Variants in NR3C2 observed in about 807,000 individuals in gnomAD.
NR3C2 encodes nuclear receptor subfamily 3 group C member 2, also known as mineralocorticoid receptor.
A neutral mutation model predicts 86.4 loss-of-function variants in NR3C2; 15 were observed. The ratio of observed to expected loss-of-function variants is 0.17; its 90% CI spans 0.12 to 0.27. The LOEUF (loss-of-function observed/expected upper bound fraction) is 0.27. Among genes scored for constraint, NR3C2 ranks in the 10% least tolerant of loss-of-function variants. NR3C2 has a pLI of 1.00. For synonymous variants in NR3C2, 458 were observed against 450.5 expected, an observed-to-expected ratio of 1.02 and a Z score of -0.21; for missense variants, 960 against 1,195.6, an observed-to-expected ratio of 0.80 and a Z score of 2.91.
At chr4:148,323,687 C>A (rs1743779559) in intron 2 of NR3C2, among the ~76,000 whole-genome samples, 1 of 152,150 alleles carries the variant, frequency 6.6e-6, no homozygotes, top group South Asian at 2.1e-4. Flanking sequence ...AAAGGGAACT[C>A]CCTGACCCCT....
intron 2 of NR3C2, among the ~76,000 whole-genome samples, chr4:148,319,044 G>A (rs1262139594): frequency 6.6e-6 from 1 of 151,712 alleles, no homozygotes; most frequent in Non-Finnish European, 1.5e-5. Flanking sequence ...ATCTTGAATT[G>A]ATTTTTGTAT....
At chr4:148,411,585 C>G (rs1267558674) in intron 2 of NR3C2, among the ~76,000 whole-genome samples, 1 of 152,154 alleles carries the variant, frequency 6.6e-6, no homozygotes, top group East Asian at 1.9e-4. Context: ...AACGGCATCA[C>G]AAGGTCTATA....
chr4:148,347,670 G>T (rs1488897104), intron 2 of NR3C2, among the ~76,000 whole-genome samples: 4 of 152,138 alleles, frequency 2.6e-5, no homozygotes, highest in African/African-American at 7.2e-5. Context: ...TTCAACAAAT[G>T]TTTACTGAGT....
At chr4:148,321,575 A>C (rs1167575681) in intron 2 of NR3C2, among the ~76,000 whole-genome samples, 1 of 152,092 alleles carries the variant, frequency 6.6e-6, no homozygotes, top group Non-Finnish European at 1.5e-5. Context: ...TATTGGGTGC[A>C]TATATATTTA....
At chr4:148,421,659 T>C (rs1749286451) in intron 2 of NR3C2, among the ~76,000 whole-genome samples, 1 of 152,188 alleles carries the variant, frequency 6.6e-6, no homozygotes. Context: ...ATTTTCCCCA[T>C]TAATTTTAAC....
At chr4:148,267,191 A>G (rs541351141) in intron 2 of NR3C2, among the ~76,000 whole-genome samples, 11 of 152,366 alleles carry the variant, frequency 7.2e-5, no homozygotes, top group Non-Finnish European at 1.3e-4. Context: ...AGTATATTCA[A>G]GAACACTTGG....
chr4:148,402,158 A>G (rs185185861), intron 2 of NR3C2, among the ~76,000 whole-genome samples: 1 of 152,314 alleles, frequency 6.6e-6, no homozygotes, highest in East Asian at 1.9e-4. Flanking sequence ...TCAGTGTTAT[A>G]TTACAGTAAC....
chr4:148,318,814 C>A (rs1362464000), intron 2 of NR3C2, among the ~76,000 whole-genome samples: 1 of 152,012 alleles, frequency 6.6e-6, no homozygotes, highest in African/African-American at 2.4e-5. Context: ...AATTTTCTCC[C>A]ATTTTGTAGG....
At chr4:148,391,095 C>G (rs1212983721) in intron 2 of NR3C2, among the ~76,000 whole-genome samples, 1 of 152,132 alleles carries the variant, frequency 6.6e-6, no homozygotes, top group African/African-American at 2.4e-5. Flanking sequence ...CATAGAGGAA[C>G]TGATAGCATA....
At chr4:148,126,277 G>A (rs1732741610) in intron 6 of NR3C2, among the ~76,000 whole-genome samples, 1 of 152,170 alleles carries the variant, frequency 6.6e-6, no homozygotes, top group Admixed American at 6.5e-5. Flanking sequence ...TATGAACTAA[G>A]TATATGCAAG....
chr4:148,109,051 G>A (rs1191487419), intron 8 of NR3C2, among the ~76,000 whole-genome samples: 3 of 152,142 alleles, frequency 2.0e-5, no homozygotes, highest in Non-Finnish European at 4.4e-5. Context: ...GGCAGCGTCC[G>A]GAGCACTCAG....
intron 8 of NR3C2, 93 bp from the exon 9 acceptor site, chr4:148,081,592 A>G (rs911412238): frequency 6.4e-7 from 1 of 1,562,672 alleles, no homozygotes; most frequent in African/African-American, 1.4e-5. Context: ...TCAAATGACA[A>G]CATTTAGAAA....
chr4:148,131,232 C>T (rs546390001), intron 6 of NR3C2, among the ~76,000 whole-genome samples: 1 of 152,244 alleles, frequency 6.6e-6, no homozygotes, highest in South Asian at 2.1e-4. Flanking sequence ...GTGTCAATCT[C>T]GCAACAGAGA....
At chr4:148,364,638 A>T (rs906913615) in intron 2 of NR3C2, among the ~76,000 whole-genome samples, 5 of 152,114 alleles carry the variant, frequency 3.3e-5, no homozygotes, top group African/African-American at 1.2e-4. Flanking sequence ...TAATACTAAA[A>T]TTTTTCAAAG....
chr4:148,209,855 T>A (rs1471947292), intron 3 of NR3C2, among the ~76,000 whole-genome samples: 1 of 152,192 alleles, frequency 6.6e-6, no homozygotes, highest in Non-Finnish European at 1.5e-5. Flanking sequence ...TAGAAGTTCC[T>A]AGAATGTTCC....
chr4:148,286,290 C>G (rs1741514630), intron 2 of NR3C2, among the ~76,000 whole-genome samples: 1 of 152,084 alleles, frequency 6.6e-6, no homozygotes, highest in Non-Finnish European at 1.5e-5. Flanking sequence ...TAGCTTTAAG[C>G]CAGTCTCTGC....
At chr4:148,244,743 A>C (rs998255551) in intron 3 of NR3C2, among the ~76,000 whole-genome samples, 1 of 152,176 alleles carries the variant, frequency 6.6e-6, no homozygotes, top group Admixed American at 6.5e-5. Flanking sequence ...TTCTTTTAAA[A>C]GTTTTTAAGT....
chr4:148,107,407 T>C (rs1286232106), intron 8 of NR3C2, among the ~76,000 whole-genome samples: 1 of 152,194 alleles, frequency 6.6e-6, no homozygotes, highest in African/African-American at 2.4e-5. Context: ...GGGAATGTAA[T>C]TTAGTTCAAC....
intron 6 of NR3C2, among the ~76,000 whole-genome samples, chr4:148,129,427 C>A (rs1732912682): frequency 6.6e-6 from 1 of 152,134 alleles, no homozygotes; most frequent in African/African-American, 2.4e-5. Flanking sequence ...TGAAAAAGTT[C>A]TGGAGACTGG....
Sources: gnomAD v4.1 joint callset for allele counts (sites outside exome capture counted in the v4.1 genomes callset) on GRCh38, gnomAD v4.1.1 for gene constraint, MANE v1.5 for transcripts, NCBI Gene and HGNC (gene_info 2026-07-23, HGNC 2026-07-21) for gene names.